The following SPG7 variants were observed in gnomAD, a reference collection of about 807,000 sequenced individuals.
SPG7 encodes SPG7 matrix AAA peptidase subunit, paraplegin, also known as mitochondrial inner membrane m-AAA protease component paraplegin.
A neutral mutation model predicts 81.9 loss-of-function variants in SPG7; 103 were observed. That is an observed-to-expected ratio of 1.26 (90% CI 1.07 to 1.48). SPG7 has a LOEUF of 1.48. Among genes scored for constraint, SPG7 ranks in the 40% most tolerant of loss-of-function variants. The pLI, the probability that SPG7 is intolerant of heterozygous loss-of-function variation, is 0.00. For synonymous variants in SPG7, 534 were observed against 444.2 expected (o/e 1.20, Z -2.54); for missense variants, 1,241 against 1,087.3 (o/e 1.14, Z -1.99).
intron 9 of SPG7, among the ~76,000 whole-genome samples, chr16:89,535,607 C>A (rs1320358527): frequency 2.0e-5 from 3 of 152,148 alleles, no homozygotes; most frequent in African/African-American, 7.2e-5. Flanking sequence ...ACAATGTCTT[C>A]AGAGATGTGG....
chr16:89,557,521 C>G lies in SPG7; in HGVS notation c.*428C>G. ...GCTAAGGGGATCGGACATGAAAGGACCCTGTGAGCCGATTGTCCTATCTCC... is the reference window on the plus strand; with the variant it reads ...GCTAAGGGGATCGGACATGAAAGGAGCCTGTGAGCCGATTGTCCTATCTCC... On this transcript the variant is annotated 3_prime_UTR_variant, in exon 17 of 17. Transcript: ENST00000645818. 1 of 229,178 alleles carries G rather than the reference C, an allele frequency of 4.4e-6. No homozygotes were observed. The highest frequency in any genetic ancestry group is 8.9e-6 in the Non-Finnish European group (1 of 112,846). The allele number at this position is 229,178 out of a possible 1,614,324, so 14.2% of individuals were successfully genotyped here. A position where few individuals can be genotyped will look rare whatever the true frequency, so the allele number is the denominator to read the frequency against.
intron 9 of SPG7, chr16:89,538,341 A>G (rs889145664): frequency 6.6e-6 from 1 of 152,048 alleles, no homozygotes; most frequent in African/African-American, 2.4e-5. Context: ...AATCTTGACA[A>G]GAGCCATTTA....
At chr16:89,514,200 A>C (rs1300072874) in intron 3 of SPG7, 4 of 152,016 alleles carry the variant, frequency 2.6e-5, no homozygotes, top group African/African-American at 9.7e-5. Flanking sequence ...ACAGCCACTC[A>C]GAACTATCTT....
intron 1 of SPG7, among the ~76,000 whole-genome samples, chr16:89,510,036 G>A (rs1407779224): frequency 2.0e-5 from 3 of 151,784 alleles, no homozygotes; most frequent in Non-Finnish European, 4.4e-5. Flanking sequence ...GTGCAGTGGT[G>A]CTATCTCGGC....
chr16:89,536,625 GGGC>G, intron 9 of SPG7: 1 of 965,536 alleles, frequency 1.0e-6, no homozygotes, highest in South Asian at 1.4e-5. Context: ...AGGCGGGTGA[GGGC>G]GGGTGAGGCG....
Position 89,541,318 on chromosome 16 carries a change from T to C in SPG7, c.1325-3330T>C. The stretch of plus-strand genomic sequence containing the variant: ...TATGCAGCAGTAGAAGGAAACTTTC[T>C]TCCTGCAGCAACAAGGAAATGACGC... On this transcript the variant is annotated intron_variant, in intron 9 of 16. Transcript: ENST00000645818. 2 of 985,360 alleles carry C rather than the reference T, an allele frequency of 2.0e-6. 1 individual carries two copies. The highest frequency in any genetic ancestry group is 9.4e-5 in the South Asian group (2 of 21,286). 61.0% of individuals were successfully genotyped at this position (985,360 alleles called of 1,614,324 possible). A position where few individuals can be genotyped will look rare whatever the true frequency, so the allele number is the denominator to read the frequency against.
At chr16:89,531,190 G>A in intron 7 of SPG7, 1 of 361,048 alleles carries the variant, frequency 2.8e-6, no homozygotes, top group South Asian at 2.2e-5. Context: ...GGTACGGTGG[G>A]TCGCACCTGT....
At chr16:89,534,795 G>A (rs895880807) in intron 9 of SPG7, among the ~76,000 whole-genome samples, 2 of 152,238 alleles carry the variant, frequency 1.3e-5, no homozygotes, top group African/African-American at 4.8e-5. Flanking sequence ...CTGCAGGTTC[G>A]GACCAGGCCA....
chr16:89,514,828 T>C (rs8050629), intron 3 of SPG7, among the ~76,000 whole-genome samples: 67,913 of 151,544 alleles, frequency 0.45, 15,510 homozygotes, highest in East Asian at 0.67. Context: ...TGAGGTTTTG[T>C]CTTGTTGGCC....
chr16:89,523,013 C>G (rs1028838961), intron 3 of SPG7: 1 of 154,198 alleles, frequency 6.5e-6, no homozygotes. Context: ...CTCTTGCTGT[C>G]TGCAGGGTGC....
intron 10 of SPG7, chr16:89,545,027 T>C: frequency 1.8e-6 from 1 of 548,212 alleles, no homozygotes; most frequent in Non-Finnish European, 3.3e-6. Context: ...CACTCACTGC[T>C]CGGGGTTTTG....
At chr16:89,508,888 C>A in intron 1 of SPG7, 1 of 621,240 alleles carries the variant, frequency 1.6e-6, no homozygotes, top group Non-Finnish European at 3.0e-6. Flanking sequence ...TCTTCCTCGC[C>A]TTTTAAAGTG....
intron 9 of SPG7, chr16:89,541,855 G>C (rs2058499951): frequency 6.6e-6 from 1 of 151,886 alleles, no homozygotes; most frequent in Non-Finnish European, 1.5e-5. Context: ...GTCCCAGGAA[G>C]TCTGTATCCT....
chr16:89,529,374 C>A (rs762524120), intron 5 of SPG7, 103 bp from the exon 6 acceptor site: 2 of 769,608 alleles, frequency 2.6e-6, no homozygotes, highest in Admixed American at 2.0e-5. Flanking sequence ...AGGGATTCCT[C>A]GTCTCATCTT....
rs2058568625 is a variant in SPG7, at chr16:89,546,680, A to G, written c.1472A>G (p.Gln491Arg). 4 of 1,613,284 alleles carry G rather than the reference A, an allele frequency of 2.5e-6. No homozygotes were observed. The highest frequency in any genetic ancestry group is 2.5e-6 in the Non-Finnish European group (3 of 1,179,542). The change falls in exon 11 of 17, where the codon CAG (glutamine) becomes CGG (arginine). Residue 491 changes from glutamine (Q) to arginine (R), a missense_variant. Physicochemically the swap from Gln to Arg is conservative, Grantham distance 43. Transcript: ENST00000645818. ...TLQERREIFEQHLKSLKLTQS... is the reference protein window; with the variant it reads ...TLQERREIFERHLKSLKLTQS... ...CAGGAGAGGCGGGAGATTTTTGAGC[A>G]GCACCTGAAGAGCCTGAAGCTGACC...
intron 3 of SPG7, chr16:89,516,884 G>A (rs915061070): frequency 9.6e-5 from 14 of 146,486 alleles, no homozygotes; most frequent in Non-Finnish European, 1.6e-4. Flanking sequence ...AATTAAGAAA[G>A]AAAAAAGCGA....
At position 89,526,441 on chromosome 16, in the gene SPG7, C is replaced by T. The variant is rs1425380351; in HGVS notation, c.731C>T (p.Ser244Phe). ...GAGGCCAAGGACAGGATCCCAGTTT[C>T]CTACAAGCGAACAGGATTCTTTGGA... is the stretch of plus-strand genomic sequence containing the variant. ...NIEAKDRIPVSYKRTGFFGNA... is the reference protein window; with the variant it reads ...NIEAKDRIPVFYKRTGFFGNA... The change falls in exon 5 of 17, where the codon TCC becomes TTC. Residue 244 changes from serine (S) to phenylalanine (F), a missense_variant. Physicochemically the swap from Ser to Phe is radical, Grantham distance 155. Transcript: ENST00000645818. 1.9e-6 allele frequency: 3 copies of T among 1,614,066 alleles called. No individual in the cohort carries two copies. The highest frequency in any genetic ancestry group is 1.3e-5 in the African/African-American group (1 of 74,904).
intron 9 of SPG7, chr16:89,539,613 C>G (rs1265957088): frequency 6.6e-6 from 1 of 152,120 alleles, no homozygotes; most frequent in Non-Finnish European, 1.5e-5. Flanking sequence ...GTCACCCAGG[C>G]TGGAGTGCAG....
chr16:89,537,178 A>G lies in SPG7; in HGVS notation c.1324+4542A>G, dbSNP rs382745. On this transcript the variant is annotated intron_variant, in intron 9 of 16. Coordinates refer to ENST00000645818, the MANE Select transcript of SPG7 (RefSeq NM_003119.4). ...TTCCGTTCATGGAAGCGCACAGGATAGGGCCGACGCTGTGCCGGTCGTGGG... is the reference window on the plus strand; with the variant it reads ...TTCCGTTCATGGAAGCGCACAGGATGGGGCCGACGCTGTGCCGGTCGTGGG... 647,975 of 1,445,254 alleles carry G rather than the reference A, an allele frequency of 0.45. 148,105 individuals are homozygous for G. Among genetic ancestry groups the G allele is most frequent in the East Asian group, 0.69 (27,775 of 40,222 alleles). The allele number at this position is 1,445,254 out of a possible 1,614,324, so 89.5% of individuals were successfully genotyped here.
Sources: allele counts gnomAD v4.1 joint callset (sites outside exome capture counted in the v4.1 genomes callset), GRCh38; gene constraint gnomAD v4.1.1; transcripts MANE v1.5; gene names NCBI Gene and HGNC (gene_info 2026-07-23, HGNC 2026-07-21).